The following RBFOX1 variants were observed in gnomAD, a reference collection of about 807,000 sequenced individuals.
RBFOX1 encodes RNA binding fox-1 homolog 1.
RBFOX1 carries 8 observed loss-of-function variants against 57.7 expected under a neutral mutation model. That is an observed-to-expected ratio of 0.14 (90% CI 0.08 to 0.25). The LOEUF is 0.25. Among genes scored for constraint, RBFOX1 ranks in the 10% least tolerant of loss-of-function variants. The pLI, the probability that RBFOX1 is intolerant of heterozygous loss-of-function variation, is 1.00. For missense variants in RBFOX1, 611 were observed against 548.5 expected (o/e 1.11, Z -1.14); for synonymous variants, 326 against 222.4 (o/e 1.47, Z -4.15).
intron 4 of RBFOX1, among the ~76,000 whole-genome samples, chr16:6,003,294 A>G (rs2060633573): frequency 6.6e-6 from 1 of 151,682 alleles, no homozygotes; most frequent in Non-Finnish European, 1.5e-5. Context: ...AAAAAAAAAA[A>G]AAAAGCAATG....
intron 2 of RBFOX1, among the ~76,000 whole-genome samples, chr16:5,547,572 A>G (rs1284182825): frequency 6.6e-6 from 1 of 152,202 alleles, no homozygotes. Flanking sequence ...TAGTGACAGA[A>G]AGCAGATCAT....
intron 3 of RBFOX1, among the ~76,000 whole-genome samples, chr16:6,849,791 C>T (rs189678065): frequency 6.6e-6 from 1 of 152,322 alleles, no homozygotes; most frequent in East Asian, 1.9e-4. Flanking sequence ...CAAGAAGCCA[C>T]CTTGATTTCT....
chr16:7,585,296 C>T (rs922685341), intron 6 of RBFOX1, among the ~76,000 whole-genome samples: 1 of 152,134 alleles, frequency 6.6e-6, no homozygotes, highest in Non-Finnish European at 1.5e-5. Flanking sequence ...CTTCTATTTC[C>T]AGTGATTTTT....
intron 3 of RBFOX1, among the ~76,000 whole-genome samples, chr16:5,817,817 A>C (rs1299222175): frequency 3.3e-5 from 5 of 151,448 alleles, no homozygotes; most frequent in African/African-American, 4.9e-5. Flanking sequence ...CCTCAGCCTC[A>C]GTAGCTGGGA....
chr16:6,944,302 G>T (rs944538174), intron 3 of RBFOX1, among the ~76,000 whole-genome samples: 5 of 151,592 alleles, frequency 3.3e-5, no homozygotes, highest in African/African-American at 1.2e-4. Flanking sequence ...GGCTGAGGCA[G>T]GAGAATCGCT....
intron 1 of RBFOX1, among the ~76,000 whole-genome samples, chr16:6,040,852 C>T (rs1298739061): frequency 6.6e-6 from 1 of 152,162 alleles, no homozygotes; most frequent in Non-Finnish European, 1.5e-5. Flanking sequence ...CCTTGGCCTC[C>T]CAAAGTGCTG....
intron 4 of RBFOX1, among the ~76,000 whole-genome samples, chr16:7,309,228 T>C (rs923875121): frequency 6.6e-6 from 1 of 152,218 alleles, no homozygotes; most frequent in African/African-American, 2.4e-5. Flanking sequence ...AGAGAAGGCA[T>C]GAAATGTTAG....
rs544712688 is a variant in RBFOX1 at position 7,287,790 on chromosome 16, G to A, written c.28-230357G>A. On this transcript the variant is annotated intron_variant, in intron 4 of 15. Transcript: ENST00000550418. ...ATTTAGAAGTGGAGAACACAAATTA[G>A]TTTATGATAGATTTTACATATATGG... 9.7e-4 allele frequency among the ~76,000 whole-genome samples: 147 copies of A among 152,222 alleles called. 1 individual carries two copies. The highest frequency in any genetic ancestry group is 1.7e-3 in the Non-Finnish European group (116 of 68,024).
intron 10 of RBFOX1, among the ~76,000 whole-genome samples, chr16:7,626,844 C>T (rs1475742932): frequency 6.6e-6 from 1 of 152,136 alleles, no homozygotes; most frequent in African/African-American, 2.4e-5. Flanking sequence ...ATAATTCAAT[C>T]ATATGCATTA....
chr16:5,834,730 G>GATAT (rs1555541488), intron 3 of RBFOX1, among the ~76,000 whole-genome samples: 8 of 146,302 alleles, frequency 5.5e-5, no homozygotes, highest in African/African-American at 2.1e-4. Flanking sequence ...TAGATACATA[G>GATAT]ATACATACAT....
At chr16:5,770,088 G>A (rs1437449926) in intron 3 of RBFOX1, among the ~76,000 whole-genome samples, 5 of 152,150 alleles carry the variant, frequency 3.3e-5, no homozygotes, top group Non-Finnish European at 5.9e-5. Flanking sequence ...AGTAGTTTGG[G>A]TGATTACGGG....
At chr16:6,687,017 G>C (rs1400165562) in intron 3 of RBFOX1, among the ~76,000 whole-genome samples, 1 of 152,150 alleles carries the variant, frequency 6.6e-6, no homozygotes, top group Non-Finnish European at 1.5e-5. Flanking sequence ...GGAAAAGCAT[G>C]GTTAAACTCA....
intron 1 of RBFOX1, among the ~76,000 whole-genome samples, chr16:6,266,813 A>T (rs1300064630): frequency 6.6e-6 from 1 of 151,942 alleles, no homozygotes; most frequent in African/African-American, 2.4e-5. Context: ...TGCTTTTATC[A>T]TGTGTTCCCA....
At chr16:5,686,627 T>C (rs940708050) in intron 3 of RBFOX1, among the ~76,000 whole-genome samples, 7 of 152,198 alleles carry the variant, frequency 4.6e-5, no homozygotes, top group African/African-American at 1.7e-4. Flanking sequence ...CTAGAGGCCA[T>C]ATGAATTGAT....
At chr16:7,463,533 T>A (rs987344013) in intron 4 of RBFOX1, among the ~76,000 whole-genome samples, 3 of 152,078 alleles carry the variant, frequency 2.0e-5, no homozygotes, top group African/African-American at 7.2e-5. Flanking sequence ...CAAATCCCCA[T>A]CAACAGAGTC....
At chr16:5,569,185 A>C (rs1340838898) in intron 2 of RBFOX1, among the ~76,000 whole-genome samples, 1 of 152,012 alleles carries the variant, frequency 6.6e-6, no homozygotes, top group African/African-American at 2.4e-5. Context: ...CGTGGGGTGG[A>C]CACCTCTCTC....
At chr16:6,217,362 T>G (rs1293155734) in intron 1 of RBFOX1, among the ~76,000 whole-genome samples, 1 of 151,992 alleles carries the variant, frequency 6.6e-6, no homozygotes, top group African/African-American at 2.4e-5. Context: ...AGAGGGAAGC[T>G]GAAAAAAAGG....
At chr16:5,795,636 C>G (rs2054852314) in intron 3 of RBFOX1, among the ~76,000 whole-genome samples, 1 of 152,152 alleles carries the variant, frequency 6.6e-6, no homozygotes, top group South Asian at 2.1e-4. Flanking sequence ...CTTTCCCCTC[C>G]TTACCCCTGA....
rs71142688 is a variant in RBFOX1 at position 6,183,486 on chromosome 16, TTAAATAAATAAA to T, written c.-126-133479_-126-133468del. On this transcript the variant is annotated intron_variant, in intron 1 of 15. Coordinates refer to ENST00000550418, the MANE Select transcript of RBFOX1 (RefSeq NM_018723.4). ...CAGAGCAAGGCTCCATCTAAAAAAA[TTAAATAAATAAA>T]TAAATAAATAAATAAATAAATAAAT... Among the ~76,000 whole-genome samples the T allele has an allele frequency of 6.5e-3, 921 of 140,892 alleles. 6 individuals are homozygous for T. Among genetic ancestry groups the T allele is most frequent in the Middle Eastern group, 0.014 (4 of 280 alleles). The allele number at this position is 140,892 out of a possible 152,430, so 92.4% of individuals were successfully genotyped here.
Sources: gnomAD v4.1 joint callset for allele counts (sites outside exome capture counted in the v4.1 genomes callset) on GRCh38, gnomAD v4.1.1 for gene constraint, MANE v1.5 for transcripts, NCBI Gene and HGNC (gene_info 2026-07-23, HGNC 2026-07-21) for gene names.